Variants in PTGIS observed in about 807,000 individuals in gnomAD.
PTGIS encodes the protein prostaglandin I2 synthase, also known as prostacyclin synthase.
A neutral mutation model predicts 50.3 loss-of-function variants in PTGIS; 45 were observed. The observed-to-expected ratio is 0.90, with a 90% CI of 0.70 to 1.15. PTGIS has a LOEUF of 1.15. Among genes scored for constraint, PTGIS ranks in the 50% most tolerant of loss-of-function variants. The pLI is 0.00. For synonymous variants in PTGIS, 260 were observed against 267.7 expected, an observed-to-expected ratio of 0.97 and a Z score of 0.28; for missense variants, 668 against 661.3, an observed-to-expected ratio of 1.01 and a Z score of -0.11.
In PTGIS at chr20:49,511,148, T is replaced by C. The variant is rs1194058533; in HGVS notation, c.1238A>G (p.Asp413Gly). ...VFKYNRFLNP[D>G]GSEKKDFYKD... Reference sequence around the variant, plus strand: ...GTAAAAGTCTTTCTTCTCTGATCCGTCAGGGTTCAGGAATCGGTTGTATTT... The same window carrying C: ...GTAAAAGTCTTTCTTCTCTGATCCGCCAGGGTTCAGGAATCGGTTGTATTT... The change falls in exon 9 of 10, where the codon GAC becomes GGC. Residue 413 changes from aspartate (D) to glycine (G), a missense_variant. By Grantham distance (94) the Asp-to-Gly change is moderately conservative. Transcript: ENST00000244043. 6.2e-7 allele frequency: 1 copy of C among 1,614,194 alleles called. No individual in the cohort carries two copies. The highest frequency in any genetic ancestry group is 2.2e-5 in the East Asian group (1 of 44,886).
At chr20:49,564,268 T>C (rs934799900) in intron 1 of PTGIS, among the ~76,000 whole-genome samples, 1 of 152,230 alleles carries the variant, frequency 6.6e-6, no homozygotes, top group Non-Finnish European at 1.5e-5. Context: ...TTTTTTTTTT[T>C]TGAGATGGAG....
rs1386471349 is a variant in PTGIS, at chr20:49,509,288, C to T, written c.1359-1224G>A. 2.6e-5 allele frequency among the ~76,000 whole-genome samples: 4 copies of T among 152,200 alleles called. 1 individual carries two copies. The highest frequency in any genetic ancestry group is 2.6e-4 in the Admixed American group (4 of 15,288). On this transcript the variant is annotated intron_variant, in intron 9 of 9. Coordinates refer to ENST00000244043, the MANE Select transcript of PTGIS (RefSeq NM_000961.4). ...GCACCTCCACTTCCTGGGAACACGG[C>T]AAATGATCTGACCTGCCTAGACTCG...
intron 5 of PTGIS, among the ~76,000 whole-genome samples, chr20:49,530,482 G>C (rs141050971): frequency 2.2e-4 from 34 of 152,180 alleles, no homozygotes; most frequent in African/African-American, 7.9e-4. Context: ...CTCTATTTTT[G>C]ATTTTTTAGG....
intron 7 of PTGIS, among the ~76,000 whole-genome samples, chr20:49,513,914 G>A (rs1449353965): frequency 6.6e-6 from 1 of 152,226 alleles, no homozygotes; most frequent in Admixed American, 6.5e-5. Context: ...GAGAGGAACT[G>A]AGTAGTCCTG....
Position 49,556,828 on chromosome 20 carries a change from G to A in PTGIS, c.75-6639C>T, listed in dbSNP as rs188878190. On this transcript the variant is annotated intron_variant, in intron 1 of 9. Coordinates refer to ENST00000244043, the MANE Select transcript of PTGIS (RefSeq NM_000961.4). ...TGGACTGAATTCTAAAAATTCTCCT[G>A]GCTCCAAGTCTCCAAAAGAATGTTT... Among the ~76,000 whole-genome samples the A allele has an allele frequency of 1.3e-3, 195 of 151,634 alleles. 1 individual carries two copies. Among genetic ancestry groups the A allele is most frequent in the African/African-American group, 4.6e-3 (192 of 41,400 alleles).
Position 49,513,153 on chromosome 20 carries a change from C to T in PTGIS, c.1133G>A (p.Arg378Gln), listed in dbSNP as rs779113385. The T allele has an allele frequency of 1.2e-6, 2 of 1,614,122 alleles. No homozygotes were observed. Among genetic ancestry groups the T allele is most frequent in the Middle Eastern group, 1.6e-4 (1 of 6,062 alleles). The part of the protein sequence containing the change: ...PMADGREFNL[R>Q]RGDRLLLFPF... The stretch of plus-strand genomic sequence containing the variant: ...GAAGAGGAGGAGGCGGTCACCACGT[C>T]GCAGGTTGAATTCTCGCCCGTCTGC... The change falls in exon 8 of 10, where the codon CGA becomes CAA. Residue 378 changes from arginine (R) to glutamine (Q), a missense_variant. Transcript: ENST00000244043.
chr20:49,526,389 C>T (rs993101462), intron 5 of PTGIS, among the ~76,000 whole-genome samples: 4 of 152,196 alleles, frequency 2.6e-5, no homozygotes, highest in East Asian at 1.9e-4. Context: ...ACTGTAAACA[C>T]GGCGTTTACA....
intron 6 of PTGIS, among the ~76,000 whole-genome samples, chr20:49,518,776 G>C (rs1981565988): frequency 6.6e-6 from 1 of 152,136 alleles, no homozygotes; most frequent in South Asian, 2.1e-4. Context: ...TTCCACCCGA[G>C]TCTGTCTGAC....
chr20:49,539,523 G>A, intron 5 of PTGIS, 47 bp downstream of exon 5: 3 of 1,596,888 alleles, frequency 1.9e-6, no homozygotes, highest in Non-Finnish European at 2.6e-6. Context: ...CCCCCTCTGG[G>A]TCTTTCCATC....
intron 7 of PTGIS, 85 bp from the exon 8 acceptor site, chr20:49,513,346 A>G: frequency 6.8e-7 from 1 of 1,476,726 alleles, no homozygotes; most frequent in Middle Eastern, 2.3e-4. Flanking sequence ...TTTACAGAGG[A>G]AGATGAAGAG....
intron 6 of PTGIS, among the ~76,000 whole-genome samples, chr20:49,517,453 A>AGTGTGTGT (rs34021649): frequency 6.7e-6 from 1 of 149,156 alleles, no homozygotes; most frequent in South Asian, 2.1e-4. Context: ...TGTGAGTGTG[A>AGTGTGTGT]GTGTGTGTGT....
chr20:49,547,775 G>A, intron 3 of PTGIS, 66 bp downstream of exon 3: 1 of 1,537,302 alleles, frequency 6.5e-7, no homozygotes, highest in Non-Finnish European at 9.0e-7. Context: ...GAATAACTTG[G>A]GCCACATGAG....
chr20:49,512,076 AG>A (rs1981335429), intron 8 of PTGIS, among the ~76,000 whole-genome samples: 1 of 149,526 alleles, frequency 6.7e-6, no homozygotes, highest in African/African-American at 2.5e-5. Flanking sequence ...TGGATAAATG[AG>A]TAGATGATTG....
At chr20:49,512,951 G>T in intron 8 of PTGIS, 129 bp downstream of exon 8, 2 of 1,133,986 alleles carry the variant, frequency 1.8e-6, no homozygotes, top group Non-Finnish European at 2.5e-6. Context: ...ACAGAGAGGT[G>T]AAGCAATCTG....
In PTGIS at chr20:49,505,193, T is replaced by C. The variant is rs564327975; in HGVS notation, c.*2727A>G. ...TAAAAAGAAAGAAAGAAAGAAAGAG[T>C]ATTCCTAACATATGTCCAGTAATTT... On this transcript the variant is annotated 3_prime_UTR_variant, in exon 10 of 10. Transcript: ENST00000244043. 7 of 149,676 alleles carry C rather than the reference T, an allele frequency of 4.7e-5. No homozygotes were observed. In the East Asian group the frequency reaches 7.8e-4, roughly 17 times the overall value. The allele number at this position is 149,676 out of a possible 1,614,324, so 9.3% of individuals were successfully genotyped here.
At position 49,568,128 on chromosome 20, in the gene PTGIS, C is replaced by CGGGGCTGGT; in HGVS notation, c.-13_-12insACCAGCCCC. ...GCGGCCCAAGCCATCGCGGGGCTGG[C>CGGGGCTGGT]GGGGCTGGCGGGGCTGGCGGGGCTG... is the stretch of plus-strand genomic sequence containing the variant. On this transcript the variant is annotated 5_prime_UTR_variant, in exon 1 of 10. Transcript: ENST00000244043. 1.8e-6 allele frequency: 2 copies of CGGGGCTGGT among 1,118,000 alleles called. No homozygotes were observed. Among genetic ancestry groups the CGGGGCTGGT allele is most frequent in the Non-Finnish European group, 1.2e-6 (1 of 860,484 alleles). The allele number at this position is 1,118,000 out of a possible 1,614,324, so 69.3% of individuals were successfully genotyped here.
chr20:49,512,238 T>C (rs928863780), intron 8 of PTGIS, among the ~76,000 whole-genome samples: 3 of 151,830 alleles, frequency 2.0e-5, no homozygotes, highest in Admixed American at 1.3e-4. Context: ...GATGGATGCA[T>C]GGATGCATGG....
At chr20:49,549,029 T>C (rs1337330479) in intron 2 of PTGIS, among the ~76,000 whole-genome samples, 3 of 152,160 alleles carry the variant, frequency 2.0e-5, no homozygotes, top group Non-Finnish European at 4.4e-5. Flanking sequence ...GTTGTAAGGA[T>C]GGATGGATGA....
At chr20:49,509,346 A>G (rs540147936) in intron 9 of PTGIS, among the ~76,000 whole-genome samples, 16 of 152,320 alleles carry the variant, frequency 1.1e-4, no homozygotes, top group African/African-American at 3.8e-4. Flanking sequence ...TGTCATGACA[A>G]TTCAGTGAGA....
Sources: gnomAD v4.1 joint callset for allele counts (sites outside exome capture counted in the v4.1 genomes callset) on GRCh38, gnomAD v4.1.1 for gene constraint, MANE v1.5 for transcripts, NCBI Gene and HGNC (gene_info 2026-07-23, HGNC 2026-07-21) for gene names.